CSMD1: variants seen among roughly 807,000 people sequenced by gnomAD.
CSMD1 encodes the protein CUB and sushi domain-containing protein 1.
CSMD1 carries 213 observed loss-of-function variants against 417.5 expected under a neutral mutation model. That is an observed-to-expected ratio of 0.51 (90% CI 0.46 to 0.57). CSMD1 has a LOEUF of 0.57. CSMD1 is among the 20% of genes least tolerant of loss of function. The probability of loss-of-function intolerance (pLI) is 0.00; values close to 1 mark genes in which losing one functional copy is unlikely to be tolerated. For synonymous variants in CSMD1, 2,862 were observed against 1,736.8 expected (o/e 1.65, Z -16.11); for missense variants, 6,923 against 4,529.7 (o/e 1.53, Z -15.17).
intron 3 of CSMD1, among the ~76,000 whole-genome samples, chr8:4,160,635 T>C (rs1001456109): frequency 1.3e-5 from 2 of 152,248 alleles, no homozygotes; most frequent in African/African-American, 4.8e-5. Flanking sequence ...GCAGACACTC[T>C]GGAAGTCTTT....
chr8:4,071,769 T>G (rs1307865698), intron 3 of CSMD1, among the ~76,000 whole-genome samples: 1 of 152,164 alleles, frequency 6.6e-6, no homozygotes, highest in Non-Finnish European at 1.5e-5. Context: ...GGGGTTTTAT[T>G]TTTTATTCCT....
intron 1 of CSMD1, among the ~76,000 whole-genome samples, chr8:4,727,473 A>AAG (rs1292689874): frequency 6.6e-6 from 1 of 152,154 alleles, no homozygotes; most frequent in African/African-American, 2.4e-5. Context: ...GAAAACAATA[A>AAG]AGAGAGAGAA....
At chr8:4,499,426 A>T (rs1188575977) in intron 2 of CSMD1, among the ~76,000 whole-genome samples, 3 of 152,238 alleles carry the variant, frequency 2.0e-5, no homozygotes, top group African/African-American at 7.2e-5. Flanking sequence ...GCATGCACAC[A>T]TCTGACAGAC....
At chr8:4,491,106 T>A (rs1480622135) in intron 2 of CSMD1, among the ~76,000 whole-genome samples, 1 of 152,164 alleles carries the variant, frequency 6.6e-6, no homozygotes, top group African/African-American at 2.4e-5. Flanking sequence ...GTACTAGGCT[T>A]AATATGCGGG....
chr8:4,476,284 G>A (rs537800241), intron 2 of CSMD1, among the ~76,000 whole-genome samples: 38 of 152,182 alleles, frequency 2.5e-4, no homozygotes, highest in Admixed American at 6.5e-4. Flanking sequence ...GAGACCGGAT[G>A]TTTATAAGCA....
chr8:3,038,151 T>C (rs1446940116), intron 50 of CSMD1, among the ~76,000 whole-genome samples: 3 of 152,164 alleles, frequency 2.0e-5, no homozygotes, highest in Non-Finnish European at 4.4e-5. Flanking sequence ...ACGCTATCGG[T>C]AGCCTAAAGG....
chr8:3,746,156 A>G (rs1797057111), intron 6 of CSMD1, among the ~76,000 whole-genome samples: 1 of 152,240 alleles, frequency 6.6e-6, no homozygotes, highest in Non-Finnish European at 1.5e-5. Flanking sequence ...GAAGAATAAG[A>G]GCAGCTCAGG....
chr8:3,393,249 T>C (rs1811455444), intron 17 of CSMD1, among the ~76,000 whole-genome samples: 2 of 152,200 alleles, frequency 1.3e-5, no homozygotes, highest in Admixed American at 6.5e-5. Context: ...GTCACAGTGC[T>C]GGAAAGTTCC....
At chr8:3,171,368 C>G (rs1408600413) in intron 37 of CSMD1, among the ~76,000 whole-genome samples, 2 of 152,160 alleles carry the variant, frequency 1.3e-5, no homozygotes, top group Non-Finnish European at 2.9e-5. Flanking sequence ...AATACTATTT[C>G]CCTTTTTAAC....
At chr8:3,010,689 C>T (rs976586513) in intron 52 of CSMD1, among the ~76,000 whole-genome samples, 5 of 152,110 alleles carry the variant, frequency 3.3e-5, no homozygotes, top group Admixed American at 2.6e-4. Context: ...CCCACTCTCA[C>T]CTGGATTTCT....
intron 2 of CSMD1, among the ~76,000 whole-genome samples, chr8:4,599,259 C>G (rs1479426262): frequency 6.6e-6 from 1 of 152,112 alleles, no homozygotes; most frequent in Non-Finnish European, 1.5e-5. Context: ...CCCCATGTGT[C>G]CAAGCAAGGA....
intron 2 of CSMD1, among the ~76,000 whole-genome samples, chr8:4,520,136 C>A (rs1446565264): frequency 6.6e-6 from 1 of 152,124 alleles, no homozygotes; most frequent in Non-Finnish European, 1.5e-5. Flanking sequence ...TCTGAAAGAG[C>A]AAAGTGGTAG....
intron 3 of CSMD1, among the ~76,000 whole-genome samples, chr8:4,158,467 G>C (rs954358475): frequency 2.0e-5 from 3 of 152,080 alleles, no homozygotes; most frequent in Non-Finnish European, 4.4e-5. Context: ...TACTAATACA[G>C]CCGCTAGTGC....
chr8:4,568,952 G>C (rs569137340), intron 2 of CSMD1, among the ~76,000 whole-genome samples: 2 of 151,814 alleles, frequency 1.3e-5, no homozygotes, highest in Non-Finnish European at 2.9e-5. Flanking sequence ...TCCTTCACCC[G>C]CTTTTTGATG....
At chr8:4,914,359 G>C (rs1805910683) in intron 1 of CSMD1, among the ~76,000 whole-genome samples, 1 of 152,026 alleles carries the variant, frequency 6.6e-6, no homozygotes, top group Admixed American at 6.6e-5. Context: ...GGCAGATCAC[G>C]AGGTCAGGAG....
At chr8:3,312,473 G>C (rs572215020) in intron 23 of CSMD1, among the ~76,000 whole-genome samples, 1 of 152,134 alleles carries the variant, frequency 6.6e-6, no homozygotes, top group Admixed American at 6.6e-5. Context: ...CTGTCAGAAA[G>C]TTGAAAGTAT....
At chr8:3,119,653 C>G (rs975824048) in intron 41 of CSMD1, among the ~76,000 whole-genome samples, 2 of 152,158 alleles carry the variant, frequency 1.3e-5, no homozygotes, top group East Asian at 3.9e-4. Context: ...CTCTCGCCCA[C>G]TCTGGGAAGA....
chr8:4,084,620 G>T (rs1800322482), intron 3 of CSMD1, among the ~76,000 whole-genome samples: 1 of 152,098 alleles, frequency 6.6e-6, no homozygotes, highest in South Asian at 2.1e-4. Flanking sequence ...GAGCCTTCCA[G>T]AGTTTGCCAA....
Position 3,876,198 on chromosome 8 carries a change from G to C in CSMD1, c.818+121705C>G, listed in dbSNP as rs990603504. ...AGGAAACTCATGTTTGAAAGGAGGG[G>C]AGGGGAAAACTCCTCTCACCCCTGA... is the stretch of plus-strand genomic sequence containing the variant. On this transcript the variant is annotated intron_variant, in intron 5 of 69. Transcript: ENST00000635120. 3.9e-5 allele frequency among the ~76,000 whole-genome samples: 6 copies of C among 152,176 alleles called. No individual in the cohort carries two copies. The South Asian group carries it at 1.0e-3, about 26-fold the overall frequency.
Sources: gnomAD v4.1 joint callset for allele counts (sites outside exome capture counted in the v4.1 genomes callset) on GRCh38, gnomAD v4.1.1 for gene constraint, MANE v1.5 for transcripts, NCBI Gene and HGNC (gene_info 2026-07-23, HGNC 2026-07-21) for gene names.